The following NCOR2 variants were observed in gnomAD, a reference collection of about 807,000 sequenced individuals.
The protein encoded by NCOR2 is nuclear receptor corepressor 2.
A neutral mutation model predicts 262.9 loss-of-function variants in NCOR2; 81 were observed. The observed-to-expected ratio is 0.31, with a 90% CI of 0.26 to 0.37. The LOEUF is 0.37. Ranked by LOEUF, NCOR2 falls within the 10% of genes least tolerant of loss-of-function variation. The pLI is 1.00. For missense variants in NCOR2, 3,385 were observed against 3,621.4 expected, an observed-to-expected ratio of 0.93 and a Z score of 1.68; for synonymous variants, 1,659 against 1,559.3, an observed-to-expected ratio of 1.06 and a Z score of -1.51.
At chr12:124,355,476 T>C in exon 24 of NCOR2, 1 of 1,612,610 alleles carries the variant, frequency 6.2e-7, no homozygotes, top group Non-Finnish European at 8.5e-7. Context: ...CTGGGGTGCT[T>C]GGCAGAGGAG....
chr12:124,519,234 T>A (rs2050038432), intron 1 of NCOR2, among the ~76,000 whole-genome samples: 1 of 151,972 alleles, frequency 6.6e-6, no homozygotes, highest in African/African-American at 2.4e-5. Flanking sequence ...GTGTCAACTT[T>A]CCATCCGTAG....
At chr12:124,459,468 C>T (rs552034623) in intron 5 of NCOR2, among the ~76,000 whole-genome samples, 47 of 152,182 alleles carry the variant, frequency 3.1e-4, no homozygotes, top group African/African-American at 1.1e-3. Flanking sequence ...GCCTGTGGAG[C>T]CCTGTCCCAA....
chr12:124,502,212 G>C (rs1357750415), intron 1 of NCOR2, among the ~76,000 whole-genome samples: 2 of 152,242 alleles, frequency 1.3e-5, no homozygotes, highest in African/African-American at 4.8e-5. Flanking sequence ...CACAGCCAAT[G>C]AGGAAGGGGG....
chr12:124,326,801 C>T (rs2034693824), intron 45 of NCOR2, among the ~76,000 whole-genome samples: 1 of 152,202 alleles, frequency 6.6e-6, no homozygotes, highest in Non-Finnish European at 1.5e-5. Flanking sequence ...CCCACAGAGG[C>T]TCCAGAAGCT....
intron 13 of NCOR2, among the ~76,000 whole-genome samples, chr12:124,406,438 T>C (rs2042278588): frequency 6.6e-6 from 1 of 152,142 alleles, no homozygotes; most frequent in Admixed American, 6.5e-5. Flanking sequence ...CAGATCCCAC[T>C]GAGGAGTGAG....
chr12:124,356,405 G>A (rs943106294), intron 23 of NCOR2, among the ~76,000 whole-genome samples: 2 of 152,178 alleles, frequency 1.3e-5, no homozygotes, highest in Admixed American at 1.3e-4. Context: ...CTCTAAGCCT[G>A]CCCCTCACCA....
At chr12:124,335,063 C>T in intron 40 of NCOR2, 72 bp downstream of exon 42, 1 of 1,607,222 alleles carries the variant, frequency 6.2e-7, no homozygotes. Context: ...CTGTGGGGTT[C>T]CCCATCCCCT....
At chr12:124,342,919 C>T in intron 33 of NCOR2, 86 bp downstream of exon 35, 5 of 1,434,584 alleles carry the variant, frequency 3.5e-6, no homozygotes, top group Non-Finnish European at 4.7e-6. Context: ...ACAGTTGATG[C>T]CTAAGGAGTC....
At chr12:124,464,022 C>G (rs74757820) in intron 5 of NCOR2, among the ~76,000 whole-genome samples, 7,098 of 152,292 alleles carry the variant, frequency 0.047, 191 homozygotes, top group African/African-American at 0.073. Context: ...AATCCCTGCC[C>G]TTACGGAGTT....
chr12:124,504,201 C>A lies in NCOR2; in HGVS notation c.-117-8833G>T, dbSNP rs976160113. ...CCAGCCTGGGAATCCTCCTCCTTGA[C>A]CCCGGGTAGATGTACAGGGTAGAGA... On this transcript the variant is annotated intron_variant, in intron 1 of 46. Transcript: ENST00000404621. This position sits in a 1 kb window ranked among gnomAD's most constrained non-coding sequence, Gnocchi z 4.5. 1.3e-5 allele frequency among the ~76,000 whole-genome samples: 2 copies of A among 152,228 alleles called. No individual in the cohort carries two copies. The highest frequency in any genetic ancestry group is 1.9e-4 in the East Asian group (1 of 5,206).
chr12:124,369,592 G>A (rs1292009782), intron 20 of NCOR2, among the ~76,000 whole-genome samples: 2 of 152,126 alleles, frequency 1.3e-5, no homozygotes, highest in Non-Finnish European at 2.9e-5. Context: ...GCAGAGGGAG[G>A]GGTGGCGGGC....
intron 8 of NCOR2, among the ~76,000 whole-genome samples, chr12:124,434,656 G>A (rs562688840): frequency 2.6e-4 from 40 of 152,150 alleles, no homozygotes; most frequent in Non-Finnish European, 2.6e-4. Context: ...TCACCCCAAG[G>A]GGGGAACCAT....
chr12:124,385,027 G>A (rs2040693468), intron 17 of NCOR2, among the ~76,000 whole-genome samples: 1 of 152,108 alleles, frequency 6.6e-6, no homozygotes, highest in African/African-American at 2.4e-5. Flanking sequence ...GTGTCAAAGA[G>A]GGAGAAAGGA....
Position 124,326,386 on chromosome 12 carries a change from A to G in NCOR2, c.7184-16T>C. 2 of 1,483,468 alleles carry G rather than the reference A, an allele frequency of 1.3e-6. No homozygotes were observed. The highest frequency in any genetic ancestry group is 1.8e-6 in the Non-Finnish European group (2 of 1,122,574). 91.9% of individuals were successfully genotyped at this position (1,483,468 alleles called of 1,614,324 possible). On this transcript the variant is annotated splice_polypyrimidine_tract_variant and intron_variant, in intron 45 of 46. Transcript: ENST00000405201. ...CCGCCGCCACCTGCAGGGGGACAAGATGGGAAGGGGCTGCGTTGGGCAGTG... is the reference window on the plus strand; with the variant it reads ...CCGCCGCCACCTGCAGGGGGACAAGGTGGGAAGGGGCTGCGTTGGGCAGTG...
intron 5 of NCOR2, among the ~76,000 whole-genome samples, chr12:124,463,522 C>T (rs968392003): frequency 2.0e-5 from 3 of 152,252 alleles, no homozygotes; most frequent in Non-Finnish European, 4.4e-5. Flanking sequence ...GGAAAAGCCT[C>T]GCTCAGCGGG....
At chr12:124,478,878 CACAG>C (rs1400247985) in intron 3 of NCOR2, among the ~76,000 whole-genome samples, 3 of 152,112 alleles carry the variant, frequency 2.0e-5, no homozygotes, top group Non-Finnish European at 4.4e-5. Flanking sequence ...GAGGCAGAGA[CACAG>C]ACAGAGACAG....
intron 20 of NCOR2, 53 bp from the exon 23 acceptor site, chr12:124,363,852 G>T: frequency 2.3e-6 from 3 of 1,304,646 alleles, no homozygotes; most frequent in Non-Finnish European, 2.9e-6. Flanking sequence ...ACTCTCCCAG[G>T]GTGGGGGGGC....
chr12:124,346,564 C>T (rs2036957785), exon 31 of NCOR2: 3 of 1,546,178 alleles, frequency 1.9e-6, no homozygotes, highest in Non-Finnish European at 2.6e-6. Context: ...TGGGCCATAC[C>T]TGCGTGATGG....
At chr12:124,336,510 G>C (rs1372634460) in intron 38 of NCOR2, 1 of 1,103,088 alleles carries the variant, frequency 9.1e-7, no homozygotes, top group African/African-American at 1.7e-5. Context: ...GCAAACCGGC[G>C]AGGACGGATG....
Sources: gnomAD v4.1 joint callset for allele counts (sites outside exome capture counted in the v4.1 genomes callset) on GRCh38, gnomAD v4.1.1 for gene constraint, Gnocchi (gnomAD v3.1) non-coding constraint, MANE v1.5 for transcripts, NCBI Gene and HGNC (gene_info 2026-07-23, HGNC 2026-07-21) for gene names.